The following AOAH variants were observed in gnomAD, a reference collection of about 807,000 sequenced individuals.
AOAH encodes acyloxyacyl hydrolase.
In AOAH, 64 loss-of-function variants were observed where a neutral mutation model predicts 92.2. The observed-to-expected ratio is 0.69, with a 90% confidence interval of 0.57 to 0.86. The LOEUF (loss-of-function observed/expected upper bound fraction) is 0.86. Among genes scored for constraint, AOAH ranks in the 40% least tolerant of loss-of-function variants. The pLI is 0.00. For missense variants in AOAH, 656 were observed against 694.6 expected (o/e 0.94, Z 0.62); for synonymous variants, 263 against 254.5 (o/e 1.03, Z -0.32).
chr7:36,597,875 G>A (rs373436705), intron 11 of AOAH: 4 of 152,160 alleles, frequency 2.6e-5, no homozygotes, highest in Admixed American at 6.5e-5. Flanking sequence ...TGTCTTCTGC[G>A]TCTGGCTCTA....
intron 12 of AOAH, among the ~76,000 whole-genome samples, chr7:36,586,550 T>G (rs1431704859): frequency 6.6e-6 from 1 of 152,222 alleles, no homozygotes; most frequent in Non-Finnish European, 1.5e-5. Flanking sequence ...CCCAGATCTC[T>G]AAATGTCAGC....
At chr7:36,528,621 G>A (rs1191640486) in intron 19 of AOAH, among the ~76,000 whole-genome samples, 1 of 152,042 alleles carries the variant, frequency 6.6e-6, no homozygotes, top group Non-Finnish European at 1.5e-5. Context: ...ATAGAGATGA[G>A]GTCTCTCTCT....
At chr7:36,637,557 T>C (rs1184282723) in intron 5 of AOAH, among the ~76,000 whole-genome samples, 1 of 151,888 alleles carries the variant, frequency 6.6e-6, no homozygotes. Context: ...TGGCATCTAG[T>C]AGGTAGAAGC....
intron 3 of AOAH, among the ~76,000 whole-genome samples, chr7:36,671,597 G>C (rs1795928966): frequency 6.7e-6 from 1 of 149,196 alleles, no homozygotes. Flanking sequence ...ATGTGCTCAT[G>C]CGTGTGTGTG....
At chr7:36,529,476 A>AGACC (rs1784573459) in intron 19 of AOAH, among the ~76,000 whole-genome samples, 1 of 152,208 alleles carries the variant, frequency 6.6e-6, no homozygotes, top group Non-Finnish European at 1.5e-5. Flanking sequence ...TGTTGAAAGG[A>AGACC]TGTTCAGAAT....
intron 1 of AOAH, among the ~76,000 whole-genome samples, chr7:36,703,322 T>C (rs1297743093): frequency 3.9e-5 from 6 of 152,196 alleles, no homozygotes; most frequent in Admixed American, 3.3e-4. Flanking sequence ...CAGAAGGTTT[T>C]CAATTTACTT....
At chr7:36,528,425 C>T (rs955591158) in intron 19 of AOAH, among the ~76,000 whole-genome samples, 1 of 152,134 alleles carries the variant, frequency 6.6e-6, no homozygotes, top group Non-Finnish European at 1.5e-5. Context: ...TCTGGACAGA[C>T]AAGAATAAAG....
chr7:36,669,996 C>T (rs1282029835), intron 3 of AOAH, among the ~76,000 whole-genome samples: 3 of 152,118 alleles, frequency 2.0e-5, no homozygotes, highest in Non-Finnish European at 4.4e-5. Flanking sequence ...GAGCTGCCCC[C>T]TGAAGTAGCT....
rs549317369 is a variant in AOAH at position 36,678,600 on chromosome 7, T to TGTGTGTGTGTGTGTGTGTGCGC, written c.224-4592_224-4591insGCGCACACACACACACACACAC. ...GTGTGTGTGTGTGTGTGTGTGTGTG[T>TGTGTGTGTGTGTGTGTGTGCGC]GCGCGCGCGCGCGCGTTAGAATTCT... is the stretch of plus-strand genomic sequence containing the variant. On this transcript the variant is annotated intron_variant, in intron 2 of 20. Transcript: ENST00000617537. Among the ~76,000 whole-genome samples the TGTGTGTGTGTGTGTGTGTGCGC allele has an allele frequency of 4.4e-3, 581 of 130,840 alleles. 10 individuals carry two copies. The highest frequency in any genetic ancestry group is 7.1e-3 in the Non-Finnish European group (421 of 58,888). The allele number at this position is 130,840 out of a possible 152,430, so 85.8% of individuals were successfully genotyped here. A position where few individuals can be genotyped will look rare whatever the true frequency, so the allele number is the denominator to read the frequency against.
intron 13 of AOAH, among the ~76,000 whole-genome samples, 160 bp downstream of exon 13, chr7:36,576,414 C>A (rs566161818): frequency 6.6e-6 from 1 of 152,188 alleles, no homozygotes; most frequent in South Asian, 2.1e-4. Flanking sequence ...TGGCTTTAAG[C>A]ACAGGGCCCT....
intron 12 of AOAH, among the ~76,000 whole-genome samples, chr7:36,588,234 C>T (rs1335055904): frequency 6.6e-6 from 1 of 152,194 alleles, no homozygotes; most frequent in Non-Finnish European, 1.5e-5. Flanking sequence ...TTCACGCTAA[C>T]GTGTCAACAG....
At chr7:36,713,925 G>A (rs1798952273) in intron 1 of AOAH, among the ~76,000 whole-genome samples, 1 of 152,150 alleles carries the variant, frequency 6.6e-6, no homozygotes, top group Non-Finnish European at 1.5e-5. Flanking sequence ...AACTAGAGAA[G>A]CAAGAGCAAA....
intron 2 of AOAH, among the ~76,000 whole-genome samples, chr7:36,681,104 G>A (rs1006511015): frequency 1.3e-5 from 2 of 152,170 alleles, no homozygotes; most frequent in Non-Finnish European, 2.9e-5. Flanking sequence ...CTAACTTGAG[G>A]TTATACCTGC....
chr7:36,636,179 T>G (rs1793508821), intron 5 of AOAH, among the ~76,000 whole-genome samples: 1 of 152,246 alleles, frequency 6.6e-6, no homozygotes, highest in Admixed American at 6.5e-5. Flanking sequence ...GACACACTTA[T>G]TTGCATTTTC....
chr7:36,615,383 G>A (rs1180513607), intron 11 of AOAH, among the ~76,000 whole-genome samples: 2 of 152,158 alleles, frequency 1.3e-5, no homozygotes, highest in African/African-American at 2.4e-5. Flanking sequence ...CACCTTTAAC[G>A]GAACTTTCGA....
chr7:36,689,050 A>G (rs1331320769), intron 1 of AOAH, among the ~76,000 whole-genome samples: 1 of 152,086 alleles, frequency 6.6e-6, no homozygotes, highest in Non-Finnish European at 1.5e-5. Flanking sequence ...CATAAGTTGC[A>G]CTGCAGTGGT....
At chr7:36,605,208 C>A (rs1465468127) in intron 11 of AOAH, among the ~76,000 whole-genome samples, 1 of 152,176 alleles carries the variant, frequency 6.6e-6, no homozygotes, top group Non-Finnish European at 1.5e-5. Context: ...TCTCTGCCTA[C>A]TCCCACTCCT....
chr7:36,682,473 G>T (rs1359980164), intron 2 of AOAH, among the ~76,000 whole-genome samples: 2 of 152,068 alleles, frequency 1.3e-5, no homozygotes, highest in Non-Finnish European at 2.9e-5. Context: ...AGAAGAAAAA[G>T]ATTAAGGAAC....
chr7:36,597,600 G>C (rs1452499617), intron 11 of AOAH, among the ~76,000 whole-genome samples: 1 of 152,150 alleles, frequency 6.6e-6, no homozygotes, highest in East Asian at 1.9e-4. Flanking sequence ...AAACTTACAA[G>C]AATGATATGG....
Sources: allele counts gnomAD v4.1 joint callset (sites outside exome capture counted in the v4.1 genomes callset), GRCh38; gene constraint gnomAD v4.1.1; transcripts MANE v1.5; gene names NCBI Gene and HGNC (gene_info 2026-07-23, HGNC 2026-07-21).